Variants in IFT172 observed in about 807,000 individuals in gnomAD.
The protein encoded by IFT172 is intraflagellar transport protein 172 homolog.
IFT172 carries 164 observed loss-of-function variants against 248.9 expected under a neutral mutation model. That is an observed-to-expected ratio of 0.66 (90% confidence interval 0.58 to 0.75). The LOEUF is 0.75. Ranked by LOEUF, IFT172 falls within the 30% of genes least tolerant of loss-of-function variation. The pLI is 0.00. For synonymous variants in IFT172, 729 were observed against 791.6 expected (o/e 0.92, Z 1.33); for missense variants, 1,950 against 2,192.4 (o/e 0.89, Z 2.21).
chr2:27,458,644 G>T (rs776878255), intron 26 of IFT172, 135 bp downstream of exon 26: 62 of 923,576 alleles, frequency 6.7e-5, no homozygotes, highest in Non-Finnish European at 9.2e-5. Context: ...AGGGATCAAA[G>T]TGGCTCAGAC....
chr2:27,459,168 A>G (rs1386928755), intron 25 of IFT172: 1 of 641,262 alleles, frequency 1.6e-6, no homozygotes, highest in African/African-American at 1.8e-5. Flanking sequence ...CTAGAGACTC[A>G]CTTTATATAT....
At chr2:27,459,128 T>G in intron 25 of IFT172, 1 of 619,390 alleles carries the variant, frequency 1.6e-6, no homozygotes, top group South Asian at 2.2e-5. Context: ...TTAGCATTAT[T>G]CATGAAGAAT....
intron 42 of IFT172, 199 bp from the exon 43 acceptor site, chr2:27,446,554 C>T (rs186994976): frequency 4.5e-4 from 232 of 519,590 alleles, no homozygotes; most frequent in Middle Eastern, 3.1e-3. Context: ...AATTCTTTCG[C>T]CCAGGCTGGA....
chr2:27,444,580 C>A (rs1664861115), intron 47 of IFT172, 59 bp from the exon 48 acceptor site: 1 of 1,357,082 alleles, frequency 7.4e-7, no homozygotes, highest in Admixed American at 1.8e-5. Flanking sequence ...ACAAAATCAG[C>A]TCCATCGCAG....
chr2:27,474,554 T>C (rs928858606), intron 14 of IFT172, among the ~76,000 whole-genome samples: 21 of 152,208 alleles, frequency 1.4e-4, no homozygotes, highest in Non-Finnish European at 5.9e-5. Context: ...TCTTTTTCTT[T>C]TCTTTTTTTT....
intron 16 of IFT172, among the ~76,000 whole-genome samples, chr2:27,466,269 C>A (rs1667080758): frequency 6.6e-6 from 1 of 152,108 alleles, no homozygotes; most frequent in South Asian, 2.1e-4. Flanking sequence ...CCATATCCTA[C>A]CCTTCTCTCT....
chr2:27,469,901 G>C (rs1667423621), intron 16 of IFT172, among the ~76,000 whole-genome samples: 1 of 152,116 alleles, frequency 6.6e-6, no homozygotes, highest in South Asian at 2.1e-4. Context: ...GGACAACAAT[G>C]ACAAAGGGGA....
intron 14 of IFT172, 28 bp from the exon 15 acceptor site, chr2:27,472,390 A>G: frequency 6.4e-7 from 1 of 1,573,072 alleles, no homozygotes; most frequent in South Asian, 1.1e-5. Context: ...CAGGGTTAAG[A>G]AGAGAGATTC....
intron 33 of IFT172, 75 bp downstream of exon 33, chr2:27,453,906 CA>C: frequency 6.7e-7 from 1 of 1,484,830 alleles, no homozygotes; most frequent in Non-Finnish European, 9.2e-7. Context: ...TTCTTCATAC[CA>C]GGGGTCAGTG....
intron 1 of IFT172, 23 bp downstream of exon 1, chr2:27,489,592 G>A (rs2148567388): frequency 6.3e-7 from 1 of 1,595,630 alleles, no homozygotes; most frequent in East Asian, 2.2e-5. Flanking sequence ...ATAAGGGGGA[G>A]GGACTGGCAC....
chr2:27,458,309 T>A, intron 26 of IFT172, 86 bp from the exon 27 acceptor site: 1 of 1,094,646 alleles, frequency 9.1e-7, no homozygotes, highest in Non-Finnish European at 1.4e-6. Context: ...TCAGAAACTC[T>A]GAACTCTCCC....
At chr2:27,478,567 C>T (rs1668132264) in intron 10 of IFT172, among the ~76,000 whole-genome samples, 2 of 152,190 alleles carry the variant, frequency 1.3e-5, no homozygotes, top group African/African-American at 4.8e-5. Flanking sequence ...TCTCGGCCTT[C>T]TGAGTAGCTG....
intron 29 of IFT172, 87 bp downstream of exon 29, chr2:27,457,552 G>A: frequency 8.5e-7 from 1 of 1,173,200 alleles, no homozygotes; most frequent in Admixed American, 1.8e-5. Context: ...TCCAGCCTGG[G>A]TGACAGAGTG....
At position 27,481,425 on chromosome 2, in the gene IFT172, TCACACACA is replaced by T. The variant is rs71401571; in HGVS notation, c.571-173_571-166del. ...CTAATCCTGAACTCTTCACAAATTG[TCACACACA>T]CACACACACACACACACACATACAC... On this transcript the variant is annotated intron_variant, in intron 7 of 47. Coordinates refer to ENST00000260570, the MANE Select transcript of IFT172 (RefSeq NM_015662.3). Among the ~76,000 whole-genome samples the T allele has an allele frequency of 5.1e-3, 743 of 145,234 alleles. 4 individuals are homozygous for T. Among genetic ancestry groups the T allele is most frequent in the African/African-American group, 0.018 (702 of 39,354 alleles).
Position 27,485,140 on chromosome 2 carries a change from T to TAAA in IFT172, c.184-13_184-11dup. ...AGCTCTTCCTGCCATACTAAGAGTT[T>TAAA]AAAAAAAAAAAAAGAAAGAAAAAGA... On this transcript the variant is annotated splice_polypyrimidine_tract_variant and intron_variant, in intron 2 of 47. Coordinates refer to ENST00000260570, the MANE Select transcript of IFT172 (RefSeq NM_015662.3). 3.1e-6 allele frequency: 4 copies of TAAA among 1,291,622 alleles called. No individual in the cohort carries two copies. Among genetic ancestry groups the TAAA allele is most frequent in the African/African-American group, 1.6e-5 (1 of 62,770 alleles). The allele number at this position is 1,291,622 out of a possible 1,614,324, so 80.0% of individuals were successfully genotyped here.
At chr2:27,480,342 TAAAACAGAATAAGAG>T (rs1456822272) in intron 8 of IFT172, among the ~76,000 whole-genome samples, 193 bp from the exon 9 acceptor site, 1 of 151,748 alleles carries the variant, frequency 6.6e-6, no homozygotes, top group Admixed American at 6.6e-5. Context: ...AAGGCAAAAC[TAAAACAGAATAAGAG>T]TGAGGGGAGC....
chr2:27,450,922 A>C (rs1665611415), intron 35 of IFT172, among the ~76,000 whole-genome samples: 1 of 151,184 alleles, frequency 6.6e-6, no homozygotes, highest in African/African-American at 2.4e-5. Flanking sequence ...TACTGTGTTA[A>C]ATAAAATATA....
Position 27,453,749 on chromosome 2 carries a change from T to C in IFT172, c.3712-10A>G, listed in dbSNP as rs1558365341. ...TCCATAATCCAGCCTCCTGCTCAGATTTCCAGGTATCAAGAGGGCAGAGGC... is the reference window on the plus strand; with the variant it reads ...TCCATAATCCAGCCTCCTGCTCAGACTTCCAGGTATCAAGAGGGCAGAGGC... On this transcript the variant is annotated splice_polypyrimidine_tract_variant and intron_variant, in intron 33 of 47. Transcript: ENST00000260570. 1 of 1,609,250 alleles carries C rather than the reference T, an allele frequency of 6.2e-7. No individual in the cohort carries two copies. Among genetic ancestry groups the C allele is most frequent in the South Asian group, 1.1e-5 (1 of 90,816 alleles).
chr2:27,459,335 T>C, intron 25 of IFT172, 43 bp downstream of exon 25: 2 of 1,604,178 alleles, frequency 1.2e-6, no homozygotes, highest in East Asian at 2.2e-5. Context: ...ATTGTTATCC[T>C]CTACTGCATT....
Sources: allele counts gnomAD v4.1 joint callset (sites outside exome capture counted in the v4.1 genomes callset), GRCh38; gene constraint gnomAD v4.1.1; transcripts MANE v1.5; gene names NCBI Gene and HGNC (gene_info 2026-07-23, HGNC 2026-07-21).